RGS10: variants seen among roughly 807,000 people sequenced by gnomAD.
RGS10 encodes regulator of G protein signaling 10.
RGS10 carries 11 observed loss-of-function variants against 23.5 expected under a neutral mutation model. The ratio of observed to expected loss-of-function variants is 0.47; its 90% confidence interval spans 0.29 to 0.77. The LOEUF is 0.77. Among genes scored for constraint, RGS10 ranks in the 30% least tolerant of loss-of-function variants. The probability of loss-of-function intolerance (pLI) is 0.08; values close to 1 mark genes in which losing one functional copy is unlikely to be tolerated. For synonymous variants in RGS10, 77 were observed against 83.2 expected (o/e 0.92, Z 0.41); for missense variants, 180 against 226.3 (o/e 0.80, Z 1.31).
chr10:119,528,873 A>AATAAATAAATAT (rs1201461897), intron 1 of RGS10, among the ~76,000 whole-genome samples: 22 of 129,032 alleles, frequency 1.7e-4, no homozygotes, highest in Non-Finnish European at 2.9e-4. Flanking sequence ...TAAATAAATA[A>AATAAATAAATAT]ATATCATTAT....
chr10:119,516,251 C>CAAA (rs34362335), intron 3 of RGS10: 9,414 of 133,780 alleles, frequency 0.07, 417 homozygotes, highest in African/African-American at 0.096. Flanking sequence ...GACTGTCTCT[C>CAAA]AAAAAAAAAA....
chr10:119,541,750 G>A lies in RGS10; in HGVS notation c.49+840C>T, dbSNP rs141515968. Among the ~76,000 whole-genome samples the A allele has an allele frequency of 3.3e-3, 510 of 152,326 alleles. 1 individual carries two copies. The highest frequency in any genetic ancestry group is 0.011 in the African/African-American group (476 of 41,566). On this transcript the variant is annotated intron_variant, in intron 1 of 4. Transcript: ENST00000369103. The stretch of plus-strand genomic sequence containing the variant: ...CCATCACCTGCGGAGTGTGACTGGG[G>A]CAAGTTACCTAACAGCGCCTGGCTT...
intron 4 of RGS10, among the ~76,000 whole-genome samples, chr10:119,511,934 G>C (rs1844080473): frequency 2.6e-5 from 4 of 152,166 alleles, no homozygotes; most frequent in Non-Finnish European, 4.4e-5. Flanking sequence ...GGAAAAACCT[G>C]TTAGAACTGT....
chr10:119,517,801 G>GT lies in RGS10; in HGVS notation c.256-2150_256-2149insA, dbSNP rs1288605382. Among the ~76,000 whole-genome samples the GT allele has an allele frequency of 1.3e-5, 2 of 152,212 alleles. No homozygotes were observed. Among genetic ancestry groups the GT allele is most frequent in the East Asian group, 3.9e-4 (2 of 5,194 alleles). On this transcript the variant is annotated intron_variant, in intron 3 of 4. Transcript: ENST00000369103. The surrounding 1 kb of genome is among the most constrained non-coding windows in gnomAD (Gnocchi z 5.0). The stretch of plus-strand genomic sequence containing the variant: ...TCTTTGAGGTGGGGCAGAAGAGGCC[G>GT]GGGGAGAGGAAGTAGGTTCCAGTGA...
rs536825629 is a variant in RGS10 at position 119,537,391 on chromosome 10, A to G, written c.49+5199T>C. On this transcript the variant is annotated intron_variant, in intron 1 of 4. Coordinates refer to ENST00000369103, the MANE Select transcript of RGS10 (RefSeq NM_001005339.2). ...GAGTGAAACTCCGTCTCAAAAAAAA[A>G]AAAAAGAAAAAGAAAAGTTGACATT... 5.9e-5 allele frequency among the ~76,000 whole-genome samples: 9 copies of G among 151,852 alleles called. No homozygotes were observed. The East Asian group carries it at 1.7e-3, about 29-fold the overall frequency.
chr10:119,521,567 T>C (rs116565928), intron 3 of RGS10, among the ~76,000 whole-genome samples: 1,941 of 86,836 alleles, frequency 0.022, 46 homozygotes, highest in African/African-American at 0.083. Flanking sequence ...CGAAACCCCA[T>C]TAAAAAAAAA....
At chr10:119,525,968 G>A in intron 3 of RGS10, 64 bp downstream of exon 3, 1 of 851,918 alleles carries the variant, frequency 1.2e-6, no homozygotes, top group Non-Finnish European at 1.8e-6. Context: ...GGCAACTTCA[G>A]AATCTATTGG....
chr10:119,500,160 C>T lies in RGS10; in HGVS notation c.499G>A (p.Asp167Asn), dbSNP rs778481186. The change falls in exon 5 of 5, where the codon GAT becomes AAT. Residue 167 changes from aspartate to asparagine, a missense_variant. Transcript: ENST00000369103. ...RTEEEEEDLPDAQTAAKRASR... is the reference protein window; with the variant it reads ...RTEEEEEDLPNAQTAAKRASR... Reference sequence around the variant, plus strand: ...GCTCTTTTAGCTGCAGTTTGAGCATCAGGCAAATCTTCTTCCTCTTCCTCG... The same window carrying T: ...GCTCTTTTAGCTGCAGTTTGAGCATTAGGCAAATCTTCTTCCTCTTCCTCG... The T allele has an allele frequency of 6.2e-7, 1 of 1,614,018 alleles. No individual in the cohort carries two copies.
At chr10:119,519,948 G>C (rs1316384782) in intron 3 of RGS10, among the ~76,000 whole-genome samples, 2 of 152,190 alleles carry the variant, frequency 1.3e-5, no homozygotes, top group Admixed American at 1.3e-4. Flanking sequence ...TGTGGGCATG[G>C]ACATCCCACT....
intron 1 of RGS10, among the ~76,000 whole-genome samples, chr10:119,530,287 T>C (rs531891459): frequency 1.3e-3 from 203 of 152,280 alleles, no homozygotes; most frequent in Non-Finnish European, 2.3e-3. Flanking sequence ...TGATGTTCTA[T>C]GGGGGGTCAA....
chr10:119,504,330 C>A (rs576126548), intron 4 of RGS10, among the ~76,000 whole-genome samples: 15 of 152,174 alleles, frequency 9.9e-5, no homozygotes, highest in Non-Finnish European at 2.2e-4. Context: ...GCTGTGATTA[C>A]AGGTGTGCGC....
At chr10:119,510,804 T>G (rs1405255817) in intron 4 of RGS10, among the ~76,000 whole-genome samples, 3 of 152,282 alleles carry the variant, frequency 2.0e-5, no homozygotes, top group Admixed American at 6.5e-5. Flanking sequence ...CTGCAACCTC[T>G]GCCTCCTGGG....
intron 3 of RGS10, among the ~76,000 whole-genome samples, chr10:119,518,625 C>T (rs888821149): frequency 1.3e-4 from 20 of 152,114 alleles, no homozygotes; most frequent in African/African-American, 4.6e-4. Context: ...CCTCCCCAAT[C>T]GAACCTTCCC....
chr10:119,522,235 G>A (rs1844226374), intron 3 of RGS10, among the ~76,000 whole-genome samples: 1 of 152,134 alleles, frequency 6.6e-6, no homozygotes, highest in South Asian at 2.1e-4. Context: ...GTTGAATGCT[G>A]GATAATCCAC....
chr10:119,508,529 G>A (rs1489597469), intron 4 of RGS10, among the ~76,000 whole-genome samples: 1 of 152,208 alleles, frequency 6.6e-6, no homozygotes, highest in Admixed American at 6.5e-5. Flanking sequence ...AGAAAGGTGT[G>A]TAAACTGGGG....
rs577108240 is a variant in RGS10, at chr10:119,520,479, C to T, written c.256-4827G>A. 4.7e-4 allele frequency among the ~76,000 whole-genome samples: 71 copies of T among 152,266 alleles called. 2 individuals are homozygous for T. Among genetic ancestry groups the T allele is most frequent in the Non-Finnish European group, 4.4e-5 (3 of 68,018 alleles). Reference sequence around the variant, plus strand: ...CCCCAGGTCCTGCTCCAAACTTGAGCAGTCAGGTGGCTCCCCCGCCACCTT... The same window carrying T: ...CCCCAGGTCCTGCTCCAAACTTGAGTAGTCAGGTGGCTCCCCCGCCACCTT... On this transcript the variant is annotated intron_variant, in intron 3 of 4. Coordinates refer to ENST00000369103, the MANE Select transcript of RGS10 (RefSeq NM_001005339.2).
chr10:119,515,712 C>T, intron 3 of RGS10, 60 bp from the exon 4 acceptor site: 1 of 1,594,730 alleles, frequency 6.3e-7, no homozygotes, highest in Non-Finnish European at 8.6e-7. Flanking sequence ...GGCCTGAGCC[C>T]TGCTCTCCCC....
intron 4 of RGS10, among the ~76,000 whole-genome samples, chr10:119,508,574 A>G (rs1844042186): frequency 6.6e-6 from 1 of 152,228 alleles, no homozygotes; most frequent in African/African-American, 2.4e-5. Flanking sequence ...TTTGTTTTAA[A>G]TCTTTCATAT....
rs1844410977 is a variant in RGS10 at position 119,538,692 on chromosome 10, C to T, written c.49+3898G>A. On this transcript the variant is annotated intron_variant, in intron 1 of 4. Coordinates refer to ENST00000369103, the MANE Select transcript of RGS10 (RefSeq NM_001005339.2). This position sits in a 1 kb window ranked among gnomAD's most constrained non-coding sequence, Gnocchi z 4.5. The stretch of plus-strand genomic sequence containing the variant: ...ACTTGCTTGGAAGGGAAATTTGTCC[C>T]CACAAGTCTGCAAGGGACTGTCTCA... 3.3e-5 allele frequency among the ~76,000 whole-genome samples: 5 copies of T among 152,170 alleles called. No homozygotes were observed. The highest frequency in any genetic ancestry group is 3.3e-4 in the Admixed American group (5 of 15,286).
Sources: allele counts gnomAD v4.1 joint callset (sites outside exome capture counted in the v4.1 genomes callset), GRCh38; gene constraint gnomAD v4.1.1; non-coding constraint Gnocchi (gnomAD v3.1); transcripts MANE v1.5; gene names NCBI Gene and HGNC (gene_info 2026-07-23, HGNC 2026-07-21).